MCM4: variants seen among roughly 807,000 people sequenced by gnomAD.
MCM4 encodes DNA replication licensing factor MCM4.
A neutral mutation model predicts 88.7 loss-of-function variants in MCM4; 60 were observed. The ratio of observed to expected loss-of-function variants is 0.68; its 90% CI spans 0.55 to 0.84. MCM4 has a LOEUF of 0.84. MCM4 is among the 40% of genes least tolerant of loss of function. The pLI, the probability that MCM4 is intolerant of heterozygous loss-of-function variation, is 0.00. For missense variants in MCM4, 1,149 were observed against 1,105.5 expected, an observed-to-expected ratio of 1.04 and a Z score of -0.56; for synonymous variants, 465 against 410.5, an observed-to-expected ratio of 1.13 and a Z score of -1.61.
At chr8:47,967,248 A>G (rs1428251737) in intron 9 of MCM4, 117 bp from the exon 10 acceptor site, 2 of 1,075,966 alleles carry the variant, frequency 1.9e-6, no homozygotes, top group East Asian at 2.6e-5. Flanking sequence ...ATGGACAATC[A>G]TTTATGTGGG....
At chr8:47,969,731 C>T (rs1376823548) in intron 10 of MCM4, 67 bp from the exon 11 acceptor site, 1 of 1,559,414 alleles carries the variant, frequency 6.4e-7, no homozygotes, top group Non-Finnish European at 8.8e-7. Flanking sequence ...GTTGCCTACG[C>T]TGGTTGCTGA....
chr8:47,975,887 C>T (rs2090996554), intron 16 of MCM4, 39 bp downstream of exon 16: 1 of 1,398,028 alleles, frequency 7.2e-7, no homozygotes, highest in African/African-American at 1.5e-5. Context: ...ATAGAGCTTT[C>T]TCTTTTTCCT....
chr8:47,965,549 G>C (rs932794619), intron 8 of MCM4, among the ~76,000 whole-genome samples: 3 of 152,118 alleles, frequency 2.0e-5, no homozygotes, highest in Admixed American at 1.3e-4. Context: ...GCTAAATACA[G>C]GCCAGAACAG....
intron 16 of MCM4, among the ~76,000 whole-genome samples, chr8:47,976,283 A>G (rs2090999721): frequency 1.4e-5 from 2 of 146,758 alleles, no homozygotes; most frequent in Non-Finnish European, 3.0e-5. Flanking sequence ...CCAGAGCGGA[A>G]CTCCATCTCA....
intron 16 of MCM4, 22 bp from the exon 17 acceptor site, chr8:47,976,663 TA>T: frequency 1.3e-6 from 2 of 1,570,306 alleles, no homozygotes; most frequent in Non-Finnish European, 1.8e-6. Context: ...GTACAATATT[TA>T]TTTTCTTTCT....
intron 13 of MCM4, 130 bp downstream of exon 13, chr8:47,971,598 G>A: frequency 2.0e-6 from 2 of 987,044 alleles, no homozygotes. Flanking sequence ...AATTTGGTTG[G>A]TCAAGAGTTT....
At chr8:47,962,443 T>C in intron 5 of MCM4, 37 bp downstream of exon 5, 1 of 1,594,480 alleles carries the variant, frequency 6.3e-7, no homozygotes, top group Non-Finnish European at 8.6e-7. Flanking sequence ...CTTTGGGCTC[T>C]GAAAATGTTG....
chr8:47,964,686 A>G lies in MCM4; in HGVS notation c.806A>G (p.Lys269Arg). 1.3e-6 allele frequency: 2 copies of G among 1,572,962 alleles called. No individual in the cohort carries two copies. Among genetic ancestry groups the G allele is most frequent in the Non-Finnish European group, 8.6e-7 (1 of 1,164,384 alleles). ...AGACCATTCAACGCATTGAAGACTA[A>G]GAATATGAGAAACCTGAATCCAGAA... ...QVRPFNALKT[K>R]NMRNLNPEDI... Residue 269 changes from lysine (K) to arginine (R), a missense_variant, in exon 8 of 17, where the codon AAG becomes AGG. Physicochemically the swap from Lys to Arg is conservative, Grantham distance 26. Coordinates refer to ENST00000649973, the MANE Select transcript of MCM4 (RefSeq NM_182746.3).
Position 47,969,767 on chromosome 8 carries a change from GTAAAAGTGCATC to G in MCM4, c.1175-29_1175-18del. 6.2e-7 allele frequency: 1 copy of G among 1,611,644 alleles called. No homozygotes were observed. The highest frequency in any genetic ancestry group is 8.5e-7 in the Non-Finnish European group (1 of 1,177,970). On this transcript the variant is annotated intron_variant, in intron 10 of 16. Transcript: ENST00000649973. ...GCCACTCGGAGGAAGATATGGGAAGGTAAAAGTGCATCTCCTGGTTGTGCCCTCAGGCATCTA... is the reference window on the plus strand; with the variant it reads ...GCCACTCGGAGGAAGATATGGGAAGGTCCTGGTTGTGCCCTCAGGCATCTA...
intron 2 of MCM4, 46 bp from the exon 3 acceptor site, chr8:47,961,470 G>A (rs752455631): frequency 1.9e-6 from 3 of 1,612,482 alleles, no homozygotes; most frequent in Non-Finnish European, 2.5e-6. Flanking sequence ...CAGGAAGGCC[G>A]GCCCTGAAAG....
chr8:47,974,923 C>T lies in MCM4; in HGVS notation c.2326C>T (p.Pro776Ser). ...REALKQSATD[P>S]RTGIVDISIL... Reference sequence around the variant, plus strand: ...AGCTCTGAAGCAGTCTGCAACTGATCCCCGGACTGGCATCGTGGACATATC... The same window carrying T: ...AGCTCTGAAGCAGTCTGCAACTGATTCCCGGACTGGCATCGTGGACATATC... The change falls in exon 15 of 17, where the codon CCC (proline) becomes TCC (serine). Residue 776 changes from proline to serine, a missense_variant. Physicochemically the swap from Pro to Ser is moderately conservative, Grantham distance 74. Coordinates refer to ENST00000649973, the MANE Select transcript of MCM4 (RefSeq NM_182746.3). The T allele has an allele frequency of 6.2e-7, 1 of 1,614,182 alleles. No homozygotes were observed. The highest frequency in any genetic ancestry group is 8.5e-7 in the Non-Finnish European group (1 of 1,180,010).
Position 47,976,785 on chromosome 8 carries a change from G to C in MCM4, c.*7G>C. 7 of 1,587,048 alleles carry C rather than the reference G, an allele frequency of 4.4e-6. No homozygotes were observed. The highest frequency in any genetic ancestry group is 6.1e-6 in the Non-Finnish European group (7 of 1,155,666). Reference sequence around the variant, plus strand: ...GACCGTGCGCTTGCTCTGAAGCCTTGTGAGCAAGGAAGGCTCCCTGCATGT... The same window carrying C: ...GACCGTGCGCTTGCTCTGAAGCCTTCTGAGCAAGGAAGGCTCCCTGCATGT... On this transcript the variant is annotated 3_prime_UTR_variant, in exon 17 of 17. Coordinates refer to ENST00000649973, the MANE Select transcript of MCM4 (RefSeq NM_182746.3).
chr8:47,961,418 G>T (rs1472518584), intron 2 of MCM4, 98 bp from the exon 3 acceptor site: 1 of 1,601,124 alleles, frequency 6.2e-7, no homozygotes, highest in African/African-American at 1.3e-5. Flanking sequence ...TGTTTGGTTT[G>T]GTTCAGTGGT....
At chr8:47,973,144 T>C in intron 14 of MCM4, 80 bp downstream of exon 14, 2 of 1,194,992 alleles carry the variant, frequency 1.7e-6, no homozygotes, top group Non-Finnish European at 2.4e-6. Context: ...CTTTAAAATA[T>C]TAATTATTTT....
chr8:47,964,767 A>T, intron 8 of MCM4, 55 bp downstream of exon 8: 1 of 1,427,788 alleles, frequency 7.0e-7, no homozygotes, highest in Non-Finnish European at 9.4e-7. Flanking sequence ...TTACATGAAA[A>T]TAGCCTTGTT....
rs766988028 is a variant in MCM4, at chr8:47,970,825, A to C, written c.1749A>C (p.Thr583=). The change falls in exon 12 of 17, where the codon ACA becomes ACC. Residue 583 remains threonine, a synonymous_variant. Coordinates refer to ENST00000649973, the MANE Select transcript of MCM4 (RefSeq NM_182746.3). ...IDEFDKMNES[T]RSVLHEVMEQ... ...AGTTCGACAAGATGAATGAAAGTACAAGATCGGTATTGCATGAAGTCATGG... is the reference window on the plus strand; with the variant it reads ...AGTTCGACAAGATGAATGAAAGTACCAGATCGGTATTGCATGAAGTCATGG... 2 of 1,612,940 alleles carry C rather than the reference A, an allele frequency of 1.2e-6. No individual in the cohort carries two copies. Among genetic ancestry groups the C allele is most frequent in the Non-Finnish European group, 1.7e-6 (2 of 1,179,052 alleles).
intron 8 of MCM4, among the ~76,000 whole-genome samples, 162 bp from the exon 9 acceptor site, chr8:47,966,025 C>T (rs1369382555): frequency 6.6e-6 from 1 of 152,144 alleles, no homozygotes. Flanking sequence ...CAGAGGTTCG[C>T]TGGGCTTGAG....
chr8:47,970,835 T>C lies in MCM4; in HGVS notation c.1759T>C (p.Leu587=). Residue 587 remains leucine (L), a synonymous_variant, in exon 12 of 17, where the codon TTG becomes CTG. Coordinates refer to ENST00000649973, the MANE Select transcript of MCM4 (RefSeq NM_182746.3). Reference sequence around the variant, plus strand: ...GATGAATGAAAGTACAAGATCGGTATTGCATGAAGTCATGGAACAGCAGAC... The same window carrying C: ...GATGAATGAAAGTACAAGATCGGTACTGCATGAAGTCATGGAACAGCAGAC... ...DKMNESTRSV[L]HEVMEQQTLS... is the part of the protein sequence containing the mutation. 1 of 1,609,262 alleles carries C rather than the reference T, an allele frequency of 6.2e-7. No homozygotes were observed. Among genetic ancestry groups the C allele is most frequent in the Non-Finnish European group, 8.5e-7 (1 of 1,176,144 alleles).
In MCM4 at chr8:47,963,401, C is replaced by T. The variant is rs546406787; in HGVS notation, c.693+361C>T. Among the ~76,000 whole-genome samples, 76 of 151,992 alleles carry T rather than the reference C, an allele frequency of 5.0e-4. 1 individual carries two copies. Among genetic ancestry groups the T allele is most frequent in the African/African-American group, 1.8e-3 (73 of 41,456 alleles). On this transcript the variant is annotated intron_variant, in intron 7 of 16. Transcript: ENST00000649973. Reference sequence around the variant, plus strand: ...CCCCGGAGGCAGAGGTGCAGTGAGCCGAGATGGCACCACTGCTCTCCAGCC... The same window carrying T: ...CCCCGGAGGCAGAGGTGCAGTGAGCTGAGATGGCACCACTGCTCTCCAGCC...
Sources: allele counts gnomAD v4.1 joint callset (sites outside exome capture counted in the v4.1 genomes callset), GRCh38; gene constraint gnomAD v4.1.1; transcripts MANE v1.5; gene names NCBI Gene and HGNC (gene_info 2026-07-23, HGNC 2026-07-21).